C4orf50: variants seen among roughly 807,000 people sequenced by gnomAD.
The protein encoded by C4orf50 is uncharacterized protein C4orf50.
A neutral mutation model predicts 77.2 loss-of-function variants in C4orf50; 80 were observed. The ratio of observed to expected loss-of-function variants is 1.04; its 90% CI spans 0.87 to 1.25. C4orf50 has a LOEUF of 1.25. C4orf50 is among the 50% of genes most tolerant of loss of function. The probability of loss-of-function intolerance (pLI) is 0.00; values close to 1 mark genes in which losing one functional copy is unlikely to be tolerated. For synonymous variants in C4orf50, 532 were observed against 465.3 expected, an observed-to-expected ratio of 1.14 and a Z score of -1.84; for missense variants, 1,257 against 1,152.9, an observed-to-expected ratio of 1.09 and a Z score of -1.31.
chr4:5,930,942 A>G (rs1391361643), intron 7 of C4orf50, among the ~76,000 whole-genome samples: 1 of 152,190 alleles, frequency 6.6e-6, no homozygotes, highest in Admixed American at 6.5e-5. Flanking sequence ...AAAGAAGGAA[A>G]GAAGGGAGGG....
At chr4:5,940,331 T>C (rs538185028) in intron 7 of C4orf50, among the ~76,000 whole-genome samples, 32 of 152,376 alleles carry the variant, frequency 2.1e-4, no homozygotes, top group African/African-American at 7.2e-4. Flanking sequence ...TAATTCATTA[T>C]ACTATTATGG....
At chr4:5,971,245 C>T (rs1440475310) in intron 31 of C4orf50, among the ~76,000 whole-genome samples, 1 of 152,204 alleles carries the variant, frequency 6.6e-6, no homozygotes, top group Non-Finnish European at 1.5e-5. Flanking sequence ...CCATCTGTGT[C>T]CTCTGAATTG....
At chr4:5,954,830 C>T (rs551995204), downstream of C4orf50, among the ~76,000 whole-genome samples, 1 of 152,292 alleles carries the variant, frequency 6.6e-6, no homozygotes. This position sits in a 1 kb window ranked among gnomAD's most constrained non-coding sequence, Gnocchi z 4.7. Context: ...CCAGAAAAGA[C>T]AGACCAGTGG....
At chr4:5,987,162 G>A (rs992020466) in intron 28 of C4orf50, among the ~76,000 whole-genome samples, 6 of 151,950 alleles carry the variant, frequency 3.9e-5, no homozygotes, top group African/African-American at 1.4e-4. Context: ...TGTAATCCTA[G>A]CACTTTGGGA....
exon 28 of C4orf50, chr4:5,990,693 G>C (rs1721231767): frequency 7.5e-6 from 3 of 399,044 alleles, no homozygotes; most frequent in South Asian, 1.3e-4. Flanking sequence ...CTGCAGCTGG[G>C]TCAGCTGCTA....
intron 7 of C4orf50, among the ~76,000 whole-genome samples, chr4:5,945,811 C>G (rs1317340386): frequency 6.6e-6 from 1 of 152,186 alleles, no homozygotes; most frequent in Non-Finnish European, 1.5e-5. Context: ...CATCTGCCCT[C>G]TGTGTTTTCT....
chr4:5,924,549 G>A lies in C4orf50; in HGVS notation c.*2475-26361C>T, dbSNP rs939669347. Among the ~76,000 whole-genome samples, 42 of 152,134 alleles carry A rather than the reference G, an allele frequency of 2.8e-4. 1 individual carries two copies. Among genetic ancestry groups the A allele is most frequent in the African/African-American group, 8.9e-4 (37 of 41,426 alleles). ...TAGAGAAACCTCCTGGCCTGGCCCC[G>A]AGCATGAGCCGCTGTGAACCGTCAA... On this transcript the variant is annotated intron_variant, in intron 7 of 7. Coordinates refer to the C4orf50 transcript ENST00000324058.
chr4:5,989,154 C>G (rs1262974517), exon 28 of C4orf50: 1 of 1,535,830 alleles, frequency 6.5e-7, no homozygotes, highest in Non-Finnish European at 8.7e-7. Flanking sequence ...CTCTCTCTCT[C>G]TCTCTTTCAA....
intron 25 of C4orf50, among the ~76,000 whole-genome samples, chr4:6,003,919 G>GA (rs1560598175): frequency 4.2e-3 from 134 of 32,218 alleles, no homozygotes; most frequent in Admixed American, 7.3e-3. Flanking sequence ...GTTGATGATG[G>GA]TGGTGATGGT....
intron 25 of C4orf50, among the ~76,000 whole-genome samples, chr4:6,004,224 ATG>A (rs142705697): frequency 0.11 from 4,597 of 40,546 alleles, 36 homozygotes; most frequent in Middle Eastern, 0.15. Context: ...GATGGTGATG[ATG>A]TGATGGTGAT....
At chr4:5,963,522 C>G (rs1331818860) in intron 33 of C4orf50, among the ~76,000 whole-genome samples, 1 of 151,934 alleles carries the variant, frequency 6.6e-6, no homozygotes, top group Admixed American at 6.6e-5. Flanking sequence ...ACTTCATATG[C>G]ATGATTTCAT....
chr4:5,996,634 G>A (rs1721603115), intron 25 of C4orf50, among the ~76,000 whole-genome samples: 1 of 152,216 alleles, frequency 6.6e-6, no homozygotes, highest in African/African-American at 2.4e-5. Flanking sequence ...CCCACTCTGG[G>A]TTGGTGGCCT....
At chr4:6,016,707 C>T (rs149428895) in intron 23 of C4orf50, among the ~76,000 whole-genome samples, 2 of 151,978 alleles carry the variant, frequency 1.3e-5, no homozygotes, top group Admixed American at 6.6e-5. Flanking sequence ...ATATGACTCT[C>T]GGAGGGTAAG....
chr4:5,944,692 A>T (rs993519681), intron 7 of C4orf50, among the ~76,000 whole-genome samples: 38 of 152,088 alleles, frequency 2.5e-4, no homozygotes, highest in Admixed American at 2.0e-3. Context: ...AGATGCACCC[A>T]CGCCCTTAAG....
intron 28 of C4orf50, among the ~76,000 whole-genome samples, chr4:5,984,724 C>A (rs1720770175): frequency 1.3e-5 from 2 of 151,020 alleles, no homozygotes; most frequent in South Asian, 2.1e-4. Flanking sequence ...TGAAATAAAG[C>A]CAAAAAGTCT....
In C4orf50 at chr4:5,902,049, G is replaced by A. The variant is rs141123626; in HGVS notation, c.*2475-3861C>T. ...TCCCAGAACCCCAGGGCCTACTGTG[G>A]TGCCTGGCGCTTAGTGGTGCTCAAT... On this transcript the variant is annotated intron_variant, in intron 7 of 7. Coordinates refer to the C4orf50 transcript ENST00000324058. 8 of 152,382 alleles carry A rather than the reference G, an allele frequency of 5.2e-5. No individual in the cohort carries two copies. In the East Asian group the frequency reaches 1.5e-3, roughly 29 times the overall value. 9.4% of individuals were successfully genotyped at this position (152,382 alleles called of 1,614,324 possible).
chr4:5,970,531 T>C lies in C4orf50; in HGVS notation c.4105-3069A>G, dbSNP rs1167540251. On this transcript the variant is annotated intron_variant, in intron 31 of 33. Coordinates refer to ENST00000531445, the Ensembl canonical transcript of C4orf50. The surrounding 1 kb of genome is among the most constrained non-coding windows in gnomAD (Gnocchi z 4.3). ...GTGACCCGGATGGCACAACAGCAGA[T>C]GCCAGCACAGACAGCGGTGCTGGGA... 9.9e-5 allele frequency among the ~76,000 whole-genome samples: 15 copies of C among 152,108 alleles called. No individual in the cohort carries two copies. Among genetic ancestry groups the C allele is most frequent in the Admixed American group, 8.5e-4 (13 of 15,266 alleles).
chr4:5,928,436 G>A (rs1023817624), intron 7 of C4orf50, among the ~76,000 whole-genome samples: 1 of 152,022 alleles, frequency 6.6e-6, no homozygotes, highest in South Asian at 2.1e-4. Context: ...CTGGGTTCCA[G>A]GTCACCAAGG....
chr4:5,993,966 G>A (rs1352711614), intron 26 of C4orf50, among the ~76,000 whole-genome samples: 1 of 152,186 alleles, frequency 6.6e-6, no homozygotes, highest in Non-Finnish European at 1.5e-5. Flanking sequence ...CCTCACACTG[G>A]AGGTGTCACC....
Sources: allele counts gnomAD v4.1 joint callset (sites outside exome capture counted in the v4.1 genomes callset), GRCh38; gene constraint gnomAD v4.1.1; non-coding constraint Gnocchi (gnomAD v3.1); transcripts MANE v1.5; gene names NCBI Gene and HGNC (gene_info 2026-07-23, HGNC 2026-07-21).